BLTP1: variants seen among roughly 807,000 people sequenced by gnomAD.
BLTP1 encodes the protein bridge-like lipid transfer protein family member 1, also known as fragile site-associated protein.
chr4:122,192,371 T>C, the BLTP1 span: 2 of 1,595,694 alleles, frequency 1.3e-6, no homozygotes, highest in Non-Finnish European at 1.7e-6. Flanking sequence ...CATGGGCCGA[T>C]AGGCAGAGGT....
the BLTP1 span, chr4:122,313,746 C>T: frequency 2.0e-6 from 2 of 1,023,456 alleles, no homozygotes; most frequent in Non-Finnish European, 2.9e-6. Context: ...ATTTTAATGG[C>T]AAGAGAATCT....
the BLTP1 span, chr4:122,185,851 G>A: frequency 1.5e-5 from 3 of 197,204 alleles, no homozygotes; most frequent in Non-Finnish European, 2.7e-5. Context: ...AAATATAACA[G>A]AAACATCAAG....
the BLTP1 span, chr4:122,271,551 T>C: frequency 6.2e-7 from 1 of 1,613,484 alleles, no homozygotes; most frequent in Non-Finnish European, 8.5e-7. Flanking sequence ...TCAAAAGATG[T>C]GGTGGATCAC....
At chr4:122,356,544 A>C in the BLTP1 span, 173 of 1,458,264 alleles carry the variant, frequency 1.2e-4, no homozygotes, top group Non-Finnish European at 1.6e-4. Context: ...ATGTGGATGC[A>C]TTTACATAGA....
chr4:122,250,540 A>C, the BLTP1 span: 2 of 1,613,754 alleles, frequency 1.2e-6, no homozygotes, highest in Non-Finnish European at 8.5e-7. Context: ...GCCCTTCCTC[A>C]GACTTAAATG....
the BLTP1 span, chr4:122,192,155 A>C: frequency 6.6e-7 from 1 of 1,504,626 alleles, no homozygotes; most frequent in Admixed American, 2.1e-5. Context: ...AAAATGTTGG[A>C]GCTACTGATC....
chr4:122,167,669 A>T, the BLTP1 span: 1 of 985,110 alleles, frequency 1.0e-6, no homozygotes, highest in African/African-American at 1.7e-5. Flanking sequence ...TCTGGTTTTG[A>T]CACCCTTAGG....
the BLTP1 span, chr4:122,176,001 T>C: frequency 1.3e-6 from 1 of 744,006 alleles, no homozygotes; most frequent in Non-Finnish European, 2.3e-6. Context: ...TATGACCAGT[T>C]AGAAAAGTTT....
chr4:122,227,963 G>A, the BLTP1 span, among the ~76,000 whole-genome samples: 1 of 150,460 alleles, frequency 6.6e-6, no homozygotes, highest in South Asian at 2.1e-4. Flanking sequence ...GCCCAGGCTG[G>A]AGTGCAGTGG....
At chr4:122,211,010 A>G in the BLTP1 span, 1 of 1,611,764 alleles carries the variant, frequency 6.2e-7, no homozygotes, top group East Asian at 2.2e-5. Flanking sequence ...CTTCCACCTG[A>G]TAAACTTCAT....
At chr4:122,346,098 A>T in the BLTP1 span, 1 of 650,854 alleles carries the variant, frequency 1.5e-6, no homozygotes, top group Non-Finnish European at 1.9e-6. Context: ...ATTGGCATGT[A>T]AACCCTATAG....
At chr4:122,287,380 AT>A in the BLTP1 span, among the ~76,000 whole-genome samples, 6 of 152,146 alleles carry the variant, frequency 3.9e-5, no homozygotes, top group Non-Finnish European at 1.5e-5. Flanking sequence ...CACATTTTTC[AT>A]TTGATTTGTG....
At chr4:122,178,515 T>C in the BLTP1 span, among the ~76,000 whole-genome samples, 1 of 152,214 alleles carries the variant, frequency 6.6e-6, no homozygotes, top group Non-Finnish European at 1.5e-5. Context: ...ACAGATTCTC[T>C]CCTTTCAATA....
the BLTP1 span, among the ~76,000 whole-genome samples, chr4:122,219,888 G>A: frequency 6.6e-6 from 1 of 152,056 alleles, no homozygotes; most frequent in Non-Finnish European, 1.5e-5. Flanking sequence ...CATTTTCTTA[G>A]CTTTTATCTC....
the BLTP1 span, among the ~76,000 whole-genome samples, chr4:122,240,936 A>G: frequency 6.6e-6 from 1 of 152,192 alleles, no homozygotes; most frequent in African/African-American, 2.4e-5. Flanking sequence ...CTTAATTCAG[A>G]TATTTATTAT....
the BLTP1 span, chr4:122,164,490 T>C: frequency 3.5e-6 from 3 of 856,908 alleles, no homozygotes; most frequent in Non-Finnish European, 4.2e-6. Context: ...GGCAGGAATA[T>C]CACAGAAGTG....
the BLTP1 span, among the ~76,000 whole-genome samples, chr4:122,319,483 G>A: frequency 1.4e-5 from 2 of 146,062 alleles, no homozygotes; most frequent in African/African-American, 5.0e-5. Context: ...TCTTTCTGTT[G>A]TTGATTTCTG....
At chr4:122,212,891 A>G in the BLTP1 span, among the ~76,000 whole-genome samples, 1 of 135,830 alleles carries the variant, frequency 7.4e-6, no homozygotes, top group South Asian at 2.3e-4. Flanking sequence ...TAAAATGTCT[A>G]TTAAAGCAAA....
chr4:122,294,144 A>G, the BLTP1 span, among the ~76,000 whole-genome samples: 39 of 152,270 alleles, frequency 2.6e-4, 1 homozygote, highest in African/African-American at 8.9e-4. Flanking sequence ...GGGCGCTGCC[A>G]TCTCTGCAGT....
Sources: gnomAD v4.1 joint callset for allele counts (sites outside exome capture counted in the v4.1 genomes callset) on GRCh38, gnomAD v4.1.1 for gene constraint, MANE v1.5 for transcripts, NCBI Gene and HGNC (gene_info 2026-07-23, HGNC 2026-07-21) for gene names.